Variants in AFF2 observed in about 807,000 individuals in gnomAD.
AFF2 encodes the protein ALF transcription elongation factor 2.
AFF2 carries 14 observed loss-of-function variants against 76.9 expected under a neutral mutation model. The observed-to-expected ratio is 0.18, with a 90% CI of 0.12 to 0.28. AFF2 has a LOEUF of 0.28. Ranked by LOEUF, AFF2 falls within the 10% of genes least tolerant of loss-of-function variation. The pLI is 1.00. For synonymous variants in AFF2, 398 were observed against 366.7 expected (o/e 1.09, Z -0.98); for missense variants, 868 against 1,001.1 (o/e 0.87, Z 1.79).
At chrX:148,780,590 A>G (rs969883983) in intron 3 of AFF2, among the ~76,000 whole-genome samples, 13 of 111,656 alleles carry the variant, frequency 1.2e-4, no homozygotes, top group Non-Finnish European at 2.3e-4. Flanking sequence ...TGTGTTTTTC[A>G]GCTCCATAAG....
At chrX:148,766,334 G>A (rs1479446049) in intron 3 of AFF2, among the ~76,000 whole-genome samples, 1 of 110,271 alleles carries the variant, frequency 9.1e-6, no homozygotes, top group Admixed American at 9.6e-5. Context: ...ATGTAAAAGT[G>A]TTCCTATTTC....
At chrX:148,680,510 G>A (rs1472597617) in intron 3 of AFF2, among the ~76,000 whole-genome samples, 1 of 110,844 alleles carries the variant, frequency 9.0e-6, no homozygotes, top group Non-Finnish European at 1.9e-5. Context: ...AGTAAGCGTG[G>A]TTTCGGTAGG....
At chrX:148,728,122 C>G (rs1366056171) in intron 3 of AFF2, among the ~76,000 whole-genome samples, 7 of 112,320 alleles carry the variant, frequency 6.2e-5, no homozygotes, top group African/African-American at 2.3e-4. Context: ...ATGCAATTCT[C>G]ACTCCAAAAA....
chrX:148,737,022 A>T (rs2055292828), intron 3 of AFF2, among the ~76,000 whole-genome samples: 2 of 111,502 alleles, frequency 1.8e-5, no homozygotes, highest in African/African-American at 6.5e-5. Flanking sequence ...CTATGGCCTT[A>T]TAATATAGCT....
intron 3 of AFF2, among the ~76,000 whole-genome samples, chrX:148,733,790 A>C (rs936650829): frequency 8.9e-6 from 1 of 111,886 alleles, no homozygotes; most frequent in African/African-American, 3.2e-5. Flanking sequence ...CACCAAGCAC[A>C]GGAAAATGTC....
chrX:148,858,905 T>C (rs2070815955), intron 7 of AFF2, among the ~76,000 whole-genome samples: 1 of 109,192 alleles, frequency 9.2e-6, no homozygotes, highest in Non-Finnish European at 1.9e-5. Context: ...AGACAAATTA[T>C]TGTATAGTTC....
intron 1 of AFF2, among the ~76,000 whole-genome samples, chrX:148,630,305 T>C (rs1428735460): frequency 1.8e-5 from 2 of 112,101 alleles, no homozygotes; most frequent in Non-Finnish European, 3.8e-5. Flanking sequence ...GGGGCCCACA[T>C]CTTGGTGATT....
At position 148,652,172 on chromosome X, in the gene AFF2, T is replaced by A. The variant is rs201612482; in HGVS notation, c.180+41T>A. The A allele has an allele frequency of 9.3e-4, 966 of 1,042,831 alleles. 1 individual carries two copies. The highest frequency in any genetic ancestry group is 1.2e-3 in the Non-Finnish European group (936 of 756,066). The allele number at this position is 1,042,831 out of a possible 1,213,427, so 85.9% of individuals were successfully genotyped here. On this transcript the variant is annotated intron_variant, in intron 2 of 20. Transcript: ENST00000370460. Reference sequence around the variant, plus strand: ...TTCTGGAAAATGGTTGCTTGTTACATTTTTGAACTCACTAATCAACATTTA... The same window carrying A: ...TTCTGGAAAATGGTTGCTTGTTACAATTTTGAACTCACTAATCAACATTTA...
intron 3 of AFF2, among the ~76,000 whole-genome samples, chrX:148,720,818 A>G (rs1431878822): frequency 8.9e-6 from 1 of 112,210 alleles, no homozygotes; most frequent in Non-Finnish European, 1.9e-5. Flanking sequence ...TTTCCAAGGC[A>G]AGTCCTAGGA....
At chrX:148,949,092 A>T (rs1182024359) in intron 9 of AFF2, among the ~76,000 whole-genome samples, 8 of 110,251 alleles carry the variant, frequency 7.3e-5, no homozygotes, top group Non-Finnish European at 1.1e-4. Context: ...TTGTTTGAAA[A>T]TTTTCAGTAT....
intron 1 of AFF2, among the ~76,000 whole-genome samples, chrX:148,545,841 G>C (rs1254108347): frequency 1.8e-5 from 2 of 111,422 alleles, no homozygotes; most frequent in Non-Finnish European, 3.8e-5. Context: ...GGTGGGGCTT[G>C]AGAATGAGCG....
At chrX:148,760,517 A>G (rs1461110158) in intron 3 of AFF2, among the ~76,000 whole-genome samples, 1 of 112,635 alleles carries the variant, frequency 8.9e-6, no homozygotes, top group African/African-American at 3.2e-5. Context: ...GCCTTCAGGC[A>G]TCATCAAATA....
intron 4 of AFF2, among the ~76,000 whole-genome samples, chrX:148,817,887 T>G (rs1337451908): frequency 8.9e-5 from 10 of 111,790 alleles, no homozygotes; most frequent in Admixed American, 3.8e-4. Flanking sequence ...TCATCTTCAT[T>G]TAGATGATAA....
At chrX:148,716,213 G>T (rs2055023740) in intron 3 of AFF2, among the ~76,000 whole-genome samples, 1 of 110,673 alleles carries the variant, frequency 9.0e-6, no homozygotes, top group African/African-American at 3.3e-5. Flanking sequence ...CAAATTCTAG[G>T]CTATTAAATA....
intron 3 of AFF2, among the ~76,000 whole-genome samples, chrX:148,804,890 G>T (rs782382443): frequency 6.4e-4 from 72 of 111,921 alleles, no homozygotes; most frequent in Non-Finnish European, 1.2e-3. Context: ...AACTGAGTTT[G>T]TAGTTTTCCA....
chrX:148,864,960 T>C (rs2070889645), intron 7 of AFF2, among the ~76,000 whole-genome samples: 1 of 112,196 alleles, frequency 8.9e-6, no homozygotes, highest in Non-Finnish European at 1.9e-5. Flanking sequence ...GAGCAATTTA[T>C]AATGTGTTAG....
At chrX:148,967,869 C>T (rs2124388873) in intron 15 of AFF2, among the ~76,000 whole-genome samples, 177 bp downstream of exon 15, 1 of 111,882 alleles carries the variant, frequency 8.9e-6, no homozygotes, top group South Asian at 3.8e-4. Flanking sequence ...TCTGTAATTC[C>T]CAAAGTTCTC....
At chrX:148,513,403 C>T (rs147252554) in intron 1 of AFF2, among the ~76,000 whole-genome samples, 2,461 of 111,702 alleles carry the variant, frequency 0.022, 27 homozygotes, top group Non-Finnish European at 0.036. Context: ...CTGACTTTTA[C>T]ACTCTGATCA....
intron 9 of AFF2, among the ~76,000 whole-genome samples, chrX:148,939,371 T>C (rs1180540062): frequency 9.0e-6 from 1 of 111,528 alleles, no homozygotes; most frequent in Non-Finnish European, 1.9e-5. Flanking sequence ...AAGAGAAAAA[T>C]AACGACCATT....
Sources: allele counts gnomAD v4.1 joint callset (sites outside exome capture counted in the v4.1 genomes callset), GRCh38; gene constraint gnomAD v4.1.1; transcripts MANE v1.5; gene names NCBI Gene and HGNC (gene_info 2026-07-23, HGNC 2026-07-21).